The following MLIP variants were observed in gnomAD, a reference collection of about 807,000 sequenced individuals.
MLIP encodes muscular LMNA-interacting protein.
Under a neutral mutation model 84.8 loss-of-function variants are expected in MLIP, and 79 were observed. The observed-to-expected ratio is 0.93, with a 90% CI of 0.78 to 1.12. The LOEUF (loss-of-function observed/expected upper bound fraction) is 1.12. MLIP is among the 50% of genes most tolerant of loss of function. The pLI is 0.00. For synonymous variants in MLIP, 504 were observed against 463.0 expected (o/e 1.09, Z -1.14); for missense variants, 1,257 against 1,160.6 (o/e 1.08, Z -1.21).
At position 54,169,545 on chromosome 6, in the gene MLIP, A is replaced by C; in HGVS notation, c.2517A>C (p.Pro839=). ...SDTVKTPTTL[P]RAAGRETKYA... ...TCATACAGACTCCTACAACTCTTCCAAGAGCAGCTGGTCGAGAAACCAAAT... is the reference window on the plus strand; with the variant it reads ...TCATACAGACTCCTACAACTCTTCCCAGAGCAGCTGGTCGAGAAACCAAAT... Residue 839 remains proline (P), a synonymous_variant, in exon 9 of 14, where the codon CCA becomes CCC. Coordinates refer to ENST00000502396, the MANE Select transcript of MLIP (RefSeq NM_001281747.2). 6.3e-7 allele frequency: 1 copy of C among 1,592,282 alleles called. No homozygotes were observed.
chr6:54,184,403 C>A (rs902322608), intron 9 of MLIP, among the ~76,000 whole-genome samples: 1 of 152,090 alleles, frequency 6.6e-6, no homozygotes, highest in Non-Finnish European at 1.5e-5. Context: ...TGCCCCAGGC[C>A]CCCAAGATGG....
At position 54,121,449 on chromosome 6, in the gene MLIP, C is replaced by T. The variant is rs1357769228; in HGVS notation, c.99C>T (p.Val33=). 3 of 1,613,858 alleles carry T rather than the reference C, an allele frequency of 1.9e-6. No homozygotes were observed. The Admixed American group carries it at 5.0e-5, about 27-fold the overall frequency. ...LSGSIQTTPQ[V]SAGGSEAKPL... ...CTAATTAACTACATGTCTCATAGGT[C>T]TCTGCTGGTGGTTCTGAAGCCAAAC... The change falls in exon 2 of 14, where the codon GTC becomes GTT. Residue 33 remains valine, a splice_region_variant and synonymous_variant. Coordinates refer to ENST00000502396, the MANE Select transcript of MLIP (RefSeq NM_001281747.2).
At chr6:54,163,441 G>GT (rs1224393596) in intron 8 of MLIP, among the ~76,000 whole-genome samples, 8 of 151,054 alleles carry the variant, frequency 5.3e-5, no homozygotes, top group Admixed American at 3.3e-4. Flanking sequence ...TATTTCTCTT[G>GT]TTTTTTTCTG....
intron 1 of MLIP, among the ~76,000 whole-genome samples, chr6:54,103,263 A>G (rs1242328702): frequency 6.6e-6 from 1 of 152,192 alleles, no homozygotes; most frequent in Non-Finnish European, 1.5e-5. Context: ...GACTTCTAAA[A>G]TAACATATGT....
chr6:54,126,750 A>C (rs1347129085), intron 3 of MLIP, among the ~76,000 whole-genome samples: 2 of 152,164 alleles, frequency 1.3e-5, no homozygotes, highest in East Asian at 3.8e-4. Context: ...AAATTACACG[A>C]TTGGGCTGCT....
rs763119133 is a variant in MLIP at position 54,138,185 on chromosome 6, G to A, written c.2116G>A (p.Val706Ile). Residue 706 changes from valine to isoleucine, a missense_variant, in exon 4 of 14, where the codon GTT becomes ATT. Coordinates refer to ENST00000502396, the MANE Select transcript of MLIP (RefSeq NM_001281747.2). Reference sequence around the variant, plus strand: ...CACCACCCCCAACCACAGGTCACCTGTTTCAACCCCATCACTTCCCATATC... The same window carrying A: ...CACCACCCCCAACCACAGGTCACCTATTTCAACCCCATCACTTCCCATATC... ...ESTTPNHRSPVSTPSLPISLT... is the reference protein window; with the variant it reads ...ESTTPNHRSPISTPSLPISLT... The A allele has an allele frequency of 3.3e-6, 5 of 1,536,010 alleles. No individual in the cohort carries two copies. Among genetic ancestry groups the A allele is most frequent in the Non-Finnish European group, 3.5e-6 (4 of 1,146,908 alleles).
chr6:54,076,344 C>A (rs1388305782), intron 1 of MLIP, among the ~76,000 whole-genome samples: 1 of 152,146 alleles, frequency 6.6e-6, no homozygotes, highest in Non-Finnish European at 1.5e-5. Context: ...AATGTGTAGA[C>A]AACATGTAGA....
At chr6:54,230,583 A>G in intron 11 of MLIP, 131 bp from the exon 12 acceptor site, 2 of 767,622 alleles carry the variant, frequency 2.6e-6, no homozygotes, top group South Asian at 1.6e-5. Context: ...CATGAGGGAC[A>G]CCATCTCATG....
intron 1 of MLIP, among the ~76,000 whole-genome samples, chr6:54,092,731 G>A (rs1397589493): frequency 2.0e-5 from 3 of 151,974 alleles, no homozygotes; most frequent in Admixed American, 2.0e-4. Context: ...AAATTAAAAT[G>A]GTTTTAAATC....
At chr6:54,153,474 C>G (rs1773677915) in intron 5 of MLIP, among the ~76,000 whole-genome samples, 1 of 151,964 alleles carries the variant, frequency 6.6e-6, no homozygotes, top group Non-Finnish European at 1.5e-5. Flanking sequence ...GCTAAGTTGC[C>G]TATTTAATTT....
At chr6:54,181,823 TG>T (rs1161506742) in intron 9 of MLIP, among the ~76,000 whole-genome samples, 1 of 152,184 alleles carries the variant, frequency 6.6e-6, no homozygotes, top group Non-Finnish European at 1.5e-5. Context: ...GGGCCTGTAA[TG>T]GGGGCATCAT....
At chr6:54,220,373 C>G (rs531524449) in intron 11 of MLIP, among the ~76,000 whole-genome samples, 2 of 152,060 alleles carry the variant, frequency 1.3e-5, no homozygotes, top group Non-Finnish European at 2.9e-5. Flanking sequence ...TAAAGTTTTA[C>G]TGAAGCAAAT....
intron 5 of MLIP, among the ~76,000 whole-genome samples, chr6:54,155,769 A>G (rs1446599901): frequency 6.6e-6 from 1 of 152,130 alleles, no homozygotes; most frequent in Non-Finnish European, 1.5e-5. Flanking sequence ...TGCTAAGTTC[A>G]GAAATTCTTT....
chr6:54,236,176 A>G (rs1179000355), intron 12 of MLIP, among the ~76,000 whole-genome samples: 1 of 152,042 alleles, frequency 6.6e-6, no homozygotes, highest in Non-Finnish European at 1.5e-5. Context: ...CCAAATCAGC[A>G]CTCATTGTGT....
rs149612308 is a variant in MLIP at position 54,121,017 on chromosome 6, C to T, written c.97-430C>T. Reference sequence around the variant, plus strand: ...ATTTGTATTTTGGCATTCTTGCTAACGATAAATGTGGGGATTTTCTTGCAT... The same window carrying T: ...ATTTGTATTTTGGCATTCTTGCTAATGATAAATGTGGGGATTTTCTTGCAT... On this transcript the variant is annotated intron_variant, in intron 1 of 13. Coordinates refer to ENST00000502396, the MANE Select transcript of MLIP (RefSeq NM_001281747.2). Among the ~76,000 whole-genome samples, 581 of 152,232 alleles carry T rather than the reference C, an allele frequency of 3.8e-3. 4 individuals carry two copies. The highest frequency in any genetic ancestry group is 5.9e-3 in the Admixed American group (91 of 15,296).
intron 1 of MLIP, among the ~76,000 whole-genome samples, chr6:54,020,795 T>C (rs898675968): frequency 2.0e-5 from 3 of 152,160 alleles, no homozygotes; most frequent in East Asian, 1.9e-4. Flanking sequence ...TAGCCTCAGA[T>C]TGACTTCCAA....
rs980186833 is a variant in MLIP, at chr6:54,022,238, C to T, written c.63+3147C>T. Among the ~76,000 whole-genome samples, 37 of 152,192 alleles carry T rather than the reference C, an allele frequency of 2.4e-4. 1 individual carries two copies. Among genetic ancestry groups the T allele is most frequent in the Admixed American group, 2.3e-3 (35 of 15,276 alleles). On this transcript the variant is annotated intron_variant, in intron 1 of 12. Transcript: ENST00000274897. ...TACAACACATTTCCCCTTGGAGACT[C>T]GTATCTGTATTGTAATATACTAAAG...
chr6:54,044,611 G>T (rs1764928418), intron 1 of MLIP, among the ~76,000 whole-genome samples: 2 of 151,626 alleles, frequency 1.3e-5, no homozygotes, highest in South Asian at 4.1e-4. Context: ...ATATTTGAAA[G>T]CAATCTATTC....
chr6:54,249,320 A>G (rs1782294849), intron 12 of MLIP, among the ~76,000 whole-genome samples: 1 of 152,106 alleles, frequency 6.6e-6, no homozygotes, highest in African/African-American at 2.4e-5. Context: ...CAAACTTGGG[A>G]ACCTTTGGGC....
Sources: allele counts gnomAD v4.1 joint callset (sites outside exome capture counted in the v4.1 genomes callset), GRCh38; gene constraint gnomAD v4.1.1; transcripts MANE v1.5; gene names NCBI Gene and HGNC (gene_info 2026-07-23, HGNC 2026-07-21).